TMEM71: variants seen among roughly 807,000 people sequenced by gnomAD.
The protein encoded by TMEM71 is transmembrane protein 71.
In TMEM71, 44 loss-of-function variants were observed where a neutral mutation model predicts 38.0. The observed-to-expected ratio is 1.16, with a 90% confidence interval of 0.91 to 1.49. TMEM71 has a LOEUF of 1.49. Among genes scored for constraint, TMEM71 ranks in the 40% most tolerant of loss-of-function variants. The probability of loss-of-function intolerance (pLI) is 0.00; values close to 1 mark genes in which losing one functional copy is unlikely to be tolerated. For synonymous variants in TMEM71, 133 were observed against 122.5 expected, an observed-to-expected ratio of 1.09 and a Z score of -0.56; for missense variants, 367 against 348.6, an observed-to-expected ratio of 1.05 and a Z score of -0.42.
At chr8:132,735,808 T>C (rs1827716417) in intron 5 of TMEM71, among the ~76,000 whole-genome samples, 1 of 152,246 alleles carries the variant, frequency 6.6e-6, no homozygotes, top group South Asian at 2.1e-4. Flanking sequence ...TCCTGATTTT[T>C]GCCAAATCCC....
chr8:132,758,305 T>C (rs1468846856), intron 2 of TMEM71: 1 of 153,372 alleles, frequency 6.5e-6, no homozygotes, highest in African/African-American at 2.4e-5. Flanking sequence ...ACAGACAAGC[T>C]AGTGAAATTT....
At chr8:132,737,202 A>G (rs1478816640) in intron 5 of TMEM71, among the ~76,000 whole-genome samples, 1 of 152,188 alleles carries the variant, frequency 6.6e-6, no homozygotes, top group Non-Finnish European at 1.5e-5. Flanking sequence ...CCCTGTGACT[A>G]TACTAAAAAA....
chr8:132,719,618 C>T (rs151333349), intron 7 of TMEM71, among the ~76,000 whole-genome samples: 1 of 152,326 alleles, frequency 6.6e-6, no homozygotes, highest in East Asian at 1.9e-4. Context: ...TGTCACCTAT[C>T]ACTTACTATG....
At chr8:132,775,315 G>A in the TMEM71 span, 2 of 341,938 alleles carry the variant, frequency 5.8e-6, no homozygotes, top group Admixed American at 4.8e-5. Flanking sequence ...ACCCTCGTGA[G>A]TCACGTGACA....
At chr8:132,737,015 A>G (rs1314847563) in intron 5 of TMEM71, among the ~76,000 whole-genome samples, 1 of 152,230 alleles carries the variant, frequency 6.6e-6, no homozygotes, top group African/African-American at 2.4e-5. Context: ...CATTTTATCA[A>G]AATGAAACAA....
intron 5 of TMEM71, among the ~76,000 whole-genome samples, chr8:132,731,375 TC>T (rs1296444891): frequency 6.6e-6 from 1 of 152,182 alleles, no homozygotes; most frequent in Admixed American, 6.5e-5. Context: ...AATTTATCAT[TC>T]AATAATAAAA....
chr8:132,726,071 T>A (rs1286783778), intron 6 of TMEM71, among the ~76,000 whole-genome samples: 1 of 152,174 alleles, frequency 6.6e-6, no homozygotes, highest in African/African-American at 2.4e-5. Context: ...AGTGCTTATC[T>A]TTAAGGAGCT....
At chr8:132,721,899 C>T (rs756771467) in intron 7 of TMEM71, 141 bp downstream of exon 7, 4 of 762,278 alleles carry the variant, frequency 5.2e-6, no homozygotes, top group Non-Finnish European at 9.3e-6. Context: ...TAAAGGGAAA[C>T]TTATCATGGA....
chr8:132,735,173 G>A (rs2131097491), intron 5 of TMEM71, among the ~76,000 whole-genome samples: 2 of 152,320 alleles, frequency 1.3e-5, no homozygotes, highest in African/African-American at 4.8e-5. Flanking sequence ...CCGAATTGCA[G>A]TATTGGGGCC....
intron 7 of TMEM71, among the ~76,000 whole-genome samples, chr8:132,715,409 C>CAAAAAAAAAAAAAAAAAAAAAAA (rs975995287): frequency 4.6e-4 from 10 of 21,570 alleles, no homozygotes; most frequent in Non-Finnish European, 6.5e-4. Flanking sequence ...GACTCCGTCT[C>CAAAAAAAAAAAAAAAAAAAAAAA]AAAAAAAAAA....
At chr8:132,737,167 G>A (rs1311326440) in intron 5 of TMEM71, among the ~76,000 whole-genome samples, 1 of 152,176 alleles carries the variant, frequency 6.6e-6, no homozygotes, top group East Asian at 1.9e-4. Context: ...TCTGGAACAG[G>A]AAAGCAGTCG....
downstream of TMEM71, among the ~76,000 whole-genome samples, chr8:132,705,864 T>C (rs1345599868): frequency 6.6e-6 from 1 of 152,214 alleles, no homozygotes; most frequent in Non-Finnish European, 1.5e-5. Flanking sequence ...TTATTAGGCA[T>C]ACATTTTTGG....
In TMEM71 at chr8:132,757,285, C is replaced by T; in HGVS notation, c.50G>A (p.Arg17Lys). ...CTCTCCAGCATATTCTCTTTCCAAC[C>T]TGGAAGAACCTGCATAAACAAATGA... ...LMSTPVASSS[R>K]LEREYAGELS... Residue 17 changes from arginine to lysine, a missense_variant, in exon 3 of 10, where the codon AGG (arginine) becomes AAG (lysine). By Grantham distance (26) the Arg-to-Lys change is conservative. Coordinates refer to ENST00000677595, the MANE Select transcript of TMEM71 (RefSeq NM_001382403.1). 6.2e-7 allele frequency: 1 copy of T among 1,603,530 alleles called. No homozygotes were observed. The highest frequency in any genetic ancestry group is 8.5e-7 in the Non-Finnish European group (1 of 1,174,596).
the TMEM71 span, among the ~76,000 whole-genome samples, chr8:132,767,011 T>C: frequency 1.3e-5 from 2 of 152,166 alleles, no homozygotes; most frequent in Non-Finnish European, 2.9e-5. Context: ...AAACTTCTCC[T>C]ATTTAGCAAA....
At chr8:132,770,768 C>T in the TMEM71 span, among the ~76,000 whole-genome samples, 6 of 152,288 alleles carry the variant, frequency 3.9e-5, no homozygotes, top group African/African-American at 1.2e-4. Flanking sequence ...TCACACACTG[C>T]GGGTCTGAAT....
the TMEM71 span, among the ~76,000 whole-genome samples, chr8:132,766,054 G>T: frequency 3.9e-5 from 6 of 152,084 alleles, no homozygotes; most frequent in Admixed American, 3.3e-4. Context: ...AAAATGCTGG[G>T]ATTACAGATA....
At chr8:132,753,364 G>A (rs560970123) in intron 3 of TMEM71, among the ~76,000 whole-genome samples, 1 of 152,246 alleles carries the variant, frequency 6.6e-6, no homozygotes, top group African/African-American at 2.4e-5. Context: ...GCTCTCATGT[G>A]CTCTTTACCT....
chr8:132,706,323 C>G (rs556578188), downstream of TMEM71, among the ~76,000 whole-genome samples: 8 of 152,204 alleles, frequency 5.3e-5, no homozygotes, highest in East Asian at 1.4e-3. Context: ...CTTCTTGTTT[C>G]ATGCAATGCC....
At chr8:132,740,768 C>T (rs759822040) in intron 5 of TMEM71, among the ~76,000 whole-genome samples, 2 of 152,212 alleles carry the variant, frequency 1.3e-5, no homozygotes, top group Non-Finnish European at 2.9e-5. Flanking sequence ...CACAGGGCTT[C>T]TTGCTCCCGA....
Sources: gnomAD v4.1 joint callset for allele counts (sites outside exome capture counted in the v4.1 genomes callset) on GRCh38, gnomAD v4.1.1 for gene constraint, MANE v1.5 for transcripts, NCBI Gene and HGNC (gene_info 2026-07-23, HGNC 2026-07-21) for gene names.